Variants in LTBP4 observed in about 807,000 individuals in gnomAD.
The protein encoded by LTBP4 is latent-transforming growth factor beta-binding protein 4.
Under a neutral mutation model 180.2 loss-of-function variants are expected in LTBP4, and 93 were observed. The ratio of observed to expected loss-of-function variants is 0.52; its 90% CI spans 0.44 to 0.61. The LOEUF (loss-of-function observed/expected upper bound fraction) is 0.61, where lower values mean the gene tolerates loss of function less well. Ranked by LOEUF, LTBP4 falls within the 20% of genes least tolerant of loss-of-function variation. The pLI is 0.00. For synonymous variants in LTBP4, 947 were observed against 934.5 expected (o/e 1.01, Z -0.24); for missense variants, 2,116 against 2,256.5 (o/e 0.94, Z 1.26).
At chr19:40,599,465 C>A (rs1568399996), upstream of LTBP4, 2 of 1,613,862 alleles carry the variant, frequency 1.2e-6, no homozygotes, top group Non-Finnish European at 1.7e-6. Context: ...GTGTGCAGGC[C>A]CCCAGCGGTG....
chr19:40,613,006 G>T lies in LTBP4; in HGVS notation c.2300-59G>T, dbSNP rs2081517993. 12 of 1,563,936 alleles carry T rather than the reference G, an allele frequency of 7.7e-6. No homozygotes were observed. In the South Asian group the frequency reaches 1.4e-4, roughly 18 times the overall value. The stretch of plus-strand genomic sequence containing the variant: ...CCTCCCCCAGACACCCTACTCCAAG[G>T]GGATTGGTCGGGTGTGTCCCGAGAC... On this transcript the variant is annotated intron_variant, in intron 15 of 29. Coordinates refer to ENST00000396819, the MANE Select transcript of LTBP4 (RefSeq NM_001042545.2). The surrounding 1 kb of genome is among the most constrained non-coding windows in gnomAD (Gnocchi z 5.0).
In LTBP4 at chr19:40,629,602, C is replaced by G. The variant is rs898456885; in HGVS notation, c.*52C>G. On this transcript the variant is annotated 3_prime_UTR_variant, in exon 30 of 30. Coordinates refer to ENST00000396819, the MANE Select transcript of LTBP4 (RefSeq NM_001042545.2). This position sits in a 1 kb window ranked among gnomAD's most constrained non-coding sequence, Gnocchi z 4.5. ...CGCGCCCGCCACTCGGGGCCCCTGC[C>G]GCGCATCCTGCAGCCCGCTTATGCG... 3 of 1,328,770 alleles carry G rather than the reference C, an allele frequency of 2.3e-6. No individual in the cohort carries two copies. Among genetic ancestry groups the G allele is most frequent in the Non-Finnish European group, 2.9e-6 (3 of 1,041,616 alleles). 82.3% of individuals were successfully genotyped at this position (1,328,770 alleles called of 1,614,324 possible).
chr19:40,606,564 C>T, intron 6 of LTBP4, 38 bp downstream of exon 6: 2 of 1,539,258 alleles, frequency 1.3e-6, no homozygotes, highest in Middle Eastern at 2.3e-4. Flanking sequence ...GGGTCCCGCC[C>T]TCCCTGCCCT....
In LTBP4 at chr19:40,611,780, G is replaced by A. The variant is rs2081508094; in HGVS notation, c.2054-79G>A. The A allele has an allele frequency of 6.6e-7, 1 of 1,525,524 alleles. No individual in the cohort carries two copies. The highest frequency in any genetic ancestry group is 1.3e-5 in the South Asian group (1 of 79,294). 94.5% of individuals were successfully genotyped at this position (1,525,524 alleles called of 1,614,324 possible). On this transcript the variant is annotated intron_variant, in intron 13 of 29. Transcript: ENST00000396819. The surrounding 1 kb of genome is among the most constrained non-coding windows in gnomAD (Gnocchi z 4.4). Reference sequence around the variant, plus strand: ...AGTCCAGAAGGCAGGCTCAAGACTGGAATGCTGGGGTGGGTGGTGATGGCC... The same window carrying A: ...AGTCCAGAAGGCAGGCTCAAGACTGAAATGCTGGGGTGGGTGGTGATGGCC...
chr19:40,595,332 C>A (rs2081384420), intron 1 of LTBP4, among the ~76,000 whole-genome samples: 1 of 152,074 alleles, frequency 6.6e-6, no homozygotes, highest in Non-Finnish European at 1.5e-5. Context: ...AAGAATTGAT[C>A]CCTTCTCAAG....
At chr19:40,625,305 TATA>T (rs2081624113) in intron 26 of LTBP4, among the ~76,000 whole-genome samples, 1 of 28,926 alleles carries the variant, frequency 3.5e-5, no homozygotes, top group Non-Finnish European at 5.4e-5. Flanking sequence ...TATATATATA[TATA>T]TATATATATT....
intron 24 of LTBP4, 21 bp from the exon 25 acceptor site, chr19:40,623,583 C>T: frequency 5.0e-6 from 8 of 1,607,914 alleles, no homozygotes; most frequent in Non-Finnish European, 6.8e-6. Flanking sequence ...GCCCCCATCT[C>T]TCTCTCTGCT....
intron 27 of LTBP4, among the ~76,000 whole-genome samples, chr19:40,626,722 A>T (rs1036064093): frequency 6.6e-6 from 1 of 152,096 alleles, no homozygotes; most frequent in Non-Finnish European, 1.5e-5. Context: ...TCAGGTCCCT[A>T]GTCCTAGCTC....
intron 1 of LTBP4, among the ~76,000 whole-genome samples, chr19:40,594,118 A>G (rs1431305646): frequency 3.3e-5 from 5 of 151,078 alleles, no homozygotes; most frequent in Admixed American, 6.6e-5. Context: ...GGGGGGGGAG[A>G]GAGAGAGAGG....
In LTBP4 at chr19:40,613,086, G is replaced by T; in HGVS notation, c.2321G>T (p.Gly774Val). ...RCTDVDECSS[G>V]APPCGPHGHC... The stretch of plus-strand genomic sequence containing the variant: ...ACAGATGTGGACGAATGCAGTTCGG[G>T]TGCCCCTCCCTGTGGTCCCCACGGC... The change falls in exon 16 of 30, where the codon GGT becomes GTT. Residue 774 changes from glycine (G) to valine (V), a missense_variant. Transcript: ENST00000396819. This position sits in a 1 kb window ranked among gnomAD's most constrained non-coding sequence, Gnocchi z 5.0. The T allele has an allele frequency of 1.2e-6, 2 of 1,611,770 alleles. No individual in the cohort carries two copies. Among genetic ancestry groups the T allele is most frequent in the Non-Finnish European group, 1.7e-6 (2 of 1,178,998 alleles).
chr19:40,613,949 A>C lies in LTBP4; in HGVS notation c.2591A>C (p.Gln864Pro). The part of the protein sequence containing the change: ...VDECSEEDLC[Q>P]SGICTNTDGS... ...GAGTGCAGCGAGGAGGACCTTTGCCAGAGCGGCATCTGTACCAACACCGAC... is the reference window on the plus strand; with the variant it reads ...GAGTGCAGCGAGGAGGACCTTTGCCCGAGCGGCATCTGTACCAACACCGAC... The change falls in exon 18 of 30, where the codon CAG becomes CCG. Residue 864 changes from glutamine to proline, a missense_variant. Physicochemically the swap from Gln to Pro is moderately conservative, Grantham distance 76. This residue lies in a region of LTBP4 where 877 missense variants were observed against 873.6 expected (regional missense o/e 1.00). Coordinates refer to ENST00000396819, the MANE Select transcript of LTBP4 (RefSeq NM_001042545.2). This position sits in a 1 kb window ranked among gnomAD's most constrained non-coding sequence, Gnocchi z 5.0. 1 of 1,613,592 alleles carries C rather than the reference A, an allele frequency of 6.2e-7. No homozygotes were observed. The highest frequency in any genetic ancestry group is 8.5e-7 in the Non-Finnish European group (1 of 1,179,784).
In LTBP4 at chr19:40,609,846, C is replaced by G. The variant is rs1399473044; in HGVS notation, c.1659C>G (p.Ala553=). The G allele has an allele frequency of 6.3e-7, 1 of 1,593,608 alleles. No homozygotes were observed. The highest frequency in any genetic ancestry group is 1.3e-5 in the African/African-American group (1 of 74,472). Residue 553 remains alanine, a synonymous_variant, in exon 11 of 30, where the codon GCC becomes GCG. Transcript: ENST00000396819. This position sits in a 1 kb window ranked among gnomAD's most constrained non-coding sequence, Gnocchi z 4.9. The part of the protein sequence containing the change: ...FRCVCGPGFR[A]GPRAAECLDV... ...GCGTGTGCGGCCCGGGCTTCCGAGC[C>G]GGCCCACGGGCTGCGGAATGCCTGG... is the stretch of plus-strand genomic sequence containing the variant.
intron 19 of LTBP4, 135 bp from the exon 20 acceptor site, chr19:40,616,754 T>G: frequency 1.1e-5 from 12 of 1,065,134 alleles, no homozygotes; most frequent in Non-Finnish European, 1.6e-5. Flanking sequence ...GTTTTCAACA[T>G]TGTTGATCTT....
Position 40,609,960 on chromosome 19 carries a change from C to T in LTBP4, c.1684+89C>T. The stretch of plus-strand genomic sequence containing the variant: ...GAGCCTCTCCAGCCCTCCCACGCTT[C>T]CCCTCTCGGGTCCCGCCCCAGGACT... On this transcript the variant is annotated intron_variant, in intron 11 of 29. Transcript: ENST00000396819. This position sits in a 1 kb window ranked among gnomAD's most constrained non-coding sequence, Gnocchi z 4.9. 1 of 1,432,392 alleles carries T rather than the reference C, an allele frequency of 7.0e-7. No individual in the cohort carries two copies. Among genetic ancestry groups the T allele is most frequent in the East Asian group, 2.5e-5 (1 of 39,824 alleles). The allele number at this position is 1,432,392 out of a possible 1,614,324, so 88.7% of individuals were successfully genotyped here.
rs754848063 is a variant in LTBP4 at position 40,609,834 on chromosome 19, G to T, written c.1647G>T (p.Pro549=). 4 of 1,598,198 alleles carry T rather than the reference G, an allele frequency of 2.5e-6. No homozygotes were observed. The South Asian group carries it at 4.5e-5, about 18-fold the overall frequency. Residue 549 remains proline, a synonymous_variant, in exon 11 of 30, where the codon CCG becomes CCT. Transcript: ENST00000396819. This position sits in a 1 kb window ranked among gnomAD's most constrained non-coding sequence, Gnocchi z 4.9. The part of the protein sequence containing the change: ...SPGSFRCVCG[P]GFRAGPRAAE... ...GCAGCTTCCGCTGCGTGTGCGGCCC[G>T]GGCTTCCGAGCCGGCCCACGGGCTG... is the stretch of plus-strand genomic sequence containing the variant.
intron 4 of LTBP4, 133 bp from the exon 5 acceptor site, chr19:40,606,100 C>G (rs974226272): frequency 2.2e-6 from 2 of 899,924 alleles, no homozygotes; most frequent in African/African-American, 3.3e-5. Context: ...ATTTCAACTG[C>G]CAACCTAAGG....
In LTBP4 at chr19:40,623,745, C is replaced by T; in HGVS notation, c.3685+13C>T. 6.8e-6 allele frequency: 11 copies of T among 1,613,486 alleles called. No homozygotes were observed. Among genetic ancestry groups the T allele is most frequent in the Non-Finnish European group, 9.3e-6 (11 of 1,179,538 alleles). The stretch of plus-strand genomic sequence containing the variant: ...CTGGAGTGCATCGGTACAAGCCCCA[C>T]CTCCCCCAACCCCCGGCAACTCTCT... On this transcript the variant is annotated intron_variant, in intron 25 of 29. Coordinates refer to ENST00000396819, the MANE Select transcript of LTBP4 (RefSeq NM_001042545.2).
chr19:40,596,891 C>T (rs1011629071), upstream of LTBP4, among the ~76,000 whole-genome samples: 3 of 152,102 alleles, frequency 2.0e-5, no homozygotes, highest in Admixed American at 6.5e-5. Context: ...ACCCCGCTCC[C>T]GTATCCCTCC....
chr19:40,623,041 C>T lies in LTBP4; in HGVS notation c.3556+20C>T, dbSNP rs2081597652. Reference sequence around the variant, plus strand: ...GGAGAGGTGAGGCCAGCCTTTGACCCTCCACCCCACTCAGCTCTGAGGCCC... The same window carrying T: ...GGAGAGGTGAGGCCAGCCTTTGACCTTCCACCCCACTCAGCTCTGAGGCCC... On this transcript the variant is annotated intron_variant, in intron 24 of 29. Transcript: ENST00000396819. The T allele has an allele frequency of 6.3e-7, 1 of 1,582,458 alleles. No individual in the cohort carries two copies. The highest frequency in any genetic ancestry group is 1.3e-5 in the African/African-American group (1 of 74,206).
Sources: gnomAD v4.1 joint callset for allele counts (sites outside exome capture counted in the v4.1 genomes callset) on GRCh38, gnomAD v4.1.1 for gene constraint, gnomAD v4.1.1 regional missense constraint, Gnocchi (gnomAD v3.1) non-coding constraint, MANE v1.5 for transcripts, NCBI Gene and HGNC (gene_info 2026-07-23, HGNC 2026-07-21) for gene names.